AP3D1: variants seen among roughly 807,000 people sequenced by gnomAD.
The protein encoded by AP3D1 is AP-3 complex subunit delta-1.
A neutral mutation model predicts 147.6 loss-of-function variants in AP3D1; 51 were observed. The ratio of observed to expected loss-of-function variants is 0.35; its 90% confidence interval spans 0.28 to 0.44. The LOEUF is 0.44. Among genes scored for constraint, AP3D1 ranks in the 20% least tolerant of loss-of-function variants. The pLI, the probability that AP3D1 is intolerant of heterozygous loss-of-function variation, is 1.00. For missense variants in AP3D1, 1,421 were observed against 1,624.2 expected (o/e 0.87, Z 2.15); for synonymous variants, 760 against 663.0 (o/e 1.15, Z -2.25).
Position 2,114,370 on chromosome 19 carries a change from C to G in AP3D1, c.2424-68G>C, listed in dbSNP as rs960129007. The G allele has an allele frequency of 1.3e-5, 18 of 1,369,084 alleles. No homozygotes were observed. The Admixed American group carries it at 3.4e-4, about 26-fold the overall frequency. 84.8% of individuals were successfully genotyped at this position (1,369,084 alleles called of 1,614,324 possible). ...ACCCCCCAGGACCACTCAGTACATG[C>G]CGTGTCCAAGCATGTGGCAGTGCGG... On this transcript the variant is annotated intron_variant, in intron 21 of 31. Transcript: ENST00000643116.
intron 9 of AP3D1, among the ~76,000 whole-genome samples, chr19:2,126,081 C>T (rs927351562): frequency 6.6e-5 from 10 of 152,150 alleles, no homozygotes; most frequent in African/African-American, 1.7e-4. Context: ...GAGCTATGAT[C>T]GCACCACTGC....
At position 2,132,514 on chromosome 19, in the gene AP3D1, G is replaced by A; in HGVS notation, c.419C>T (p.Thr140Ile). The change falls in exon 5 of 32, where the codon ACC becomes ATC. Residue 140 changes from threonine (T) to isoleucine (I), a missense_variant. By Grantham distance (89) the Thr-to-Ile change is moderately conservative (BLOSUM62 -1). Around this residue, in one of 6 missense-constraint regions of AP3D1, gnomAD observed 292 missense variants for 412.0 expected, o/e 0.71. Transcript: ENST00000643116. ...TGCCAGGTCTCTGGCAAGGTCTGGG[G>A]TGACGAAGCAGGACAGACCCGTCAG... is the stretch of plus-strand genomic sequence containing the variant. ...VALTGLSCFV[T>I]PDLARDLAND... The A allele has an allele frequency of 3.7e-6, 6 of 1,611,558 alleles. No homozygotes were observed. The highest frequency in any genetic ancestry group is 5.1e-6 in the Non-Finnish European group (6 of 1,177,912).
At chr19:2,140,284 G>A (rs1349043781) in intron 1 of AP3D1, among the ~76,000 whole-genome samples, 2 of 152,146 alleles carry the variant, frequency 1.3e-5, no homozygotes, top group African/African-American at 4.8e-5. Context: ...GGTTCCATGT[G>A]GAGTTACCGC....
At chr19:2,111,384 C>A in intron 25 of AP3D1, 52 bp from the exon 26 acceptor site, 1 of 1,603,648 alleles carries the variant, frequency 6.2e-7, no homozygotes, top group Non-Finnish European at 8.5e-7. Context: ...TCCGTCTCAG[C>A]GAAGACTCCA....
rs573380683 is a variant in AP3D1, at chr19:2,159,443, C to A, written c.-103+4913G>T. ...TCGCTCTGTGGCCCAGGCTGGAGTGCGGTGGCGCGATCTCAGCTCACCGCA... is the reference window on the plus strand; with the variant it reads ...TCGCTCTGTGGCCCAGGCTGGAGTGAGGTGGCGCGATCTCAGCTCACCGCA... On this transcript the variant is annotated intron_variant, in intron 1 of 14. Transcript: ENST00000643010. Among the ~76,000 whole-genome samples, 6 of 151,476 alleles carry A rather than the reference C, an allele frequency of 4.0e-5. No individual in the cohort carries two copies. The South Asian group carries it at 1.3e-3, about 32-fold the overall frequency.
intron 9 of AP3D1, among the ~76,000 whole-genome samples, chr19:2,124,825 A>G (rs2018707250): frequency 6.6e-6 from 1 of 152,194 alleles, no homozygotes; most frequent in East Asian, 1.9e-4. Context: ...CTGTAACCCC[A>G]GCTACTCTGG....
At chr19:2,113,806 G>A (rs547484927) in intron 22 of AP3D1, among the ~76,000 whole-genome samples, 3 of 152,254 alleles carry the variant, frequency 2.0e-5, no homozygotes, top group Non-Finnish European at 4.4e-5. Context: ...CACAGACACT[G>A]CAGAAACGGT....
chr19:2,133,359 G>C (rs564760419), intron 4 of AP3D1: 1 of 152,318 alleles, frequency 6.6e-6, no homozygotes, highest in African/African-American at 2.4e-5. Flanking sequence ...TCCTGTGTCA[G>C]CACTTGGGGA....
chr19:2,163,571 C>T (rs927085133), intron 1 of AP3D1, among the ~76,000 whole-genome samples: 5 of 151,868 alleles, frequency 3.3e-5, no homozygotes, highest in African/African-American at 1.2e-4. Context: ...AGTCCTGGAC[C>T]GTGACTCTTA....
chr19:2,126,515 G>A (rs562801760), intron 9 of AP3D1, among the ~76,000 whole-genome samples: 1 of 152,080 alleles, frequency 6.6e-6, no homozygotes, highest in East Asian at 1.9e-4. Context: ...TTAGCCAGGC[G>A]TGGTGGCGGG....
chr19:2,143,510 G>A (rs945907457), intron 1 of AP3D1, among the ~76,000 whole-genome samples: 1 of 151,816 alleles, frequency 6.6e-6, no homozygotes, highest in African/African-American at 2.4e-5. Flanking sequence ...AAAGTGCTGG[G>A]ATTACAGGCG....
At chr19:2,130,905 G>A (rs934490396) in intron 5 of AP3D1, among the ~76,000 whole-genome samples, 1 of 152,236 alleles carries the variant, frequency 6.6e-6, no homozygotes, top group East Asian at 1.9e-4. Flanking sequence ...ATTCCCCAGC[G>A]GGAGCCCTCC....
At chr19:2,123,630 T>C (rs1403744141) in intron 10 of AP3D1, among the ~76,000 whole-genome samples, 200 bp downstream of exon 10, 3 of 152,048 alleles carry the variant, frequency 2.0e-5, no homozygotes, top group Non-Finnish European at 4.4e-5. Context: ...GCCCCATGCA[T>C]CCACCCCACA....
Position 2,101,513 on chromosome 19 carries a change from A to C in AP3D1, c.*660T>G. On this transcript the variant is annotated 3_prime_UTR_variant, in exon 32 of 32. Coordinates refer to ENST00000643116, the MANE Select transcript of AP3D1 (RefSeq NM_001261826.3). ...CTGACCAGGAAGACGGGTGGCAGAG[A>C]GGCCTCAACCCACCCCGTCCACGGT... is the stretch of plus-strand genomic sequence containing the variant. 6.6e-6 allele frequency: 1 copy of C among 152,380 alleles called. No homozygotes were observed. The highest frequency in any genetic ancestry group is 1.5e-5 in the Non-Finnish European group (1 of 68,062). 9.4% of individuals were successfully genotyped at this position (152,380 alleles called of 1,614,324 possible). A position where few individuals can be genotyped will look rare whatever the true frequency, so the allele number is the denominator to read the frequency against.
At chr19:2,114,414 C>T (rs2018381000) in intron 21 of AP3D1, 112 bp from the exon 22 acceptor site, 1 of 901,854 alleles carries the variant, frequency 1.1e-6, no homozygotes. Flanking sequence ...CCTCCAGCCC[C>T]TGGCCCCAGC....
At chr19:2,118,328 T>C (rs984015244) in intron 15 of AP3D1, among the ~76,000 whole-genome samples, 2 of 152,166 alleles carry the variant, frequency 1.3e-5, no homozygotes, top group Admixed American at 1.3e-4. Context: ...TCTCGCCGCA[T>C]GTGAAACAAC....
rs2240655 is a variant in AP3D1, at chr19:2,115,791, T to C, written c.2074-178A>G. Among the ~76,000 whole-genome samples the C allele has an allele frequency of 0.82, 124,780 of 152,270 alleles. 51,283 individuals carry two copies. Among genetic ancestry groups the C allele is most frequent in the South Asian group, 0.87 (4,199 of 4,822 alleles). On this transcript the variant is annotated intron_variant, in intron 18 of 31. Coordinates refer to ENST00000643116, the MANE Select transcript of AP3D1 (RefSeq NM_001261826.3). ...AGCGCATCCCGAGGACCCGACTCTT[T>C]AAGACAGTGAGGACTGGAAAGCTTG...
intron 1 of AP3D1, among the ~76,000 whole-genome samples, chr19:2,159,043 T>G (rs887148548): frequency 6.6e-6 from 1 of 151,958 alleles, no homozygotes; most frequent in African/African-American, 2.4e-5. Flanking sequence ...CAGGCTAGAG[T>G]GCAGTGGTGT....
intron 11 of AP3D1, among the ~76,000 whole-genome samples, chr19:2,122,204 T>C (rs1299138019): frequency 7.6e-6 from 1 of 131,566 alleles, no homozygotes; most frequent in Admixed American, 7.1e-5. Flanking sequence ...CAGAGAAGAC[T>C]TTCCAGCAGC....
Sources: allele counts gnomAD v4.1 joint callset (sites outside exome capture counted in the v4.1 genomes callset), GRCh38; gene constraint gnomAD v4.1.1; regional missense constraint gnomAD v4.1.1; transcripts MANE v1.5; gene names NCBI Gene and HGNC (gene_info 2026-07-23, HGNC 2026-07-21).